Variants in HTR4 observed in about 807,000 individuals in gnomAD.
HTR4 encodes the protein 5-hydroxytryptamine (serotonin) receptor 4, G protein-coupled.
Under a neutral mutation model 36.8 loss-of-function variants are expected in HTR4, and 16 were observed. The observed-to-expected ratio is 0.43, with a 90% CI of 0.29 to 0.66. The LOEUF is 0.66. Among genes scored for constraint, HTR4 ranks in the 30% least tolerant of loss-of-function variants. The pLI, the probability that HTR4 is intolerant of heterozygous loss-of-function variation, is 0.13. For missense variants in HTR4, 438 were observed against 490.9 expected (o/e 0.89, Z 1.02); for synonymous variants, 189 against 185.1 (o/e 1.02, Z -0.17).
intron 6 of HTR4, among the ~76,000 whole-genome samples, chr5:148,508,784 G>A (rs970108266): frequency 2.0e-5 from 3 of 151,714 alleles, no homozygotes; most frequent in African/African-American, 7.3e-5. Flanking sequence ...CAGGCACTAC[G>A]TTATTACTAT....
In HTR4 at chr5:148,481,705, C is replaced by T. The variant is rs1755894923; in HGVS notation, c.*1498G>A. ...AAAAAAAGAGAATATGATAAATAAT[C>T]CTGAGATGCTATTAAACCACAGCCA... is the stretch of plus-strand genomic sequence containing the variant. On this transcript the variant is annotated 3_prime_UTR_variant, in exon 7 of 7. Transcript: ENST00000377888. The T allele has an allele frequency of 1.4e-6, 2 of 1,456,520 alleles. No individual in the cohort carries two copies. The highest frequency in any genetic ancestry group is 2.9e-5 in the African/African-American group (2 of 69,860). 90.2% of individuals were successfully genotyped at this position (1,456,520 alleles called of 1,614,324 possible).
At chr5:148,505,946 G>T (rs1304677125) in intron 6 of HTR4, among the ~76,000 whole-genome samples, 2 of 152,110 alleles carry the variant, frequency 1.3e-5, no homozygotes, top group Non-Finnish European at 2.9e-5. Context: ...TGGCCATACT[G>T]CCCAAGGTAA....
intron 1 of HTR4, 87 bp downstream of exon 1, chr5:148,653,975 C>T (rs2127323027): frequency 1.2e-6 from 1 of 855,534 alleles, no homozygotes; most frequent in East Asian, 1.2e-4. Flanking sequence ...GCCCCCGACC[C>T]CGTCGTGCTG....
Position 148,523,197 on chromosome 5 carries a change from T to C in HTR4, c.503A>G (p.Asp168Gly). 1 of 1,613,296 alleles carries C rather than the reference T, an allele frequency of 6.2e-7. No individual in the cohort carries two copies. Among genetic ancestry groups the C allele is most frequent in the Non-Finnish European group, 8.5e-7 (1 of 1,179,594 alleles). Residue 168 changes from aspartate to glycine, a missense_variant, in exon 5 of 7, where the codon GAT becomes GGT. Physicochemically the swap from Asp to Gly is moderately conservative, Grantham distance 94. Transcript: ENST00000377888. ...GAGGTCTGTGTGGATACTCACCAAA[T>C]CAATTATGCCAATGTTATTCCAGCC... ...MQGWNNIGIIDLIEKRKFNQN... is the reference protein window; with the variant it reads ...MQGWNNIGIIGLIEKRKFNQN...
At chr5:148,627,458 A>G (rs1318674528) in intron 2 of HTR4, among the ~76,000 whole-genome samples, 1 of 152,226 alleles carries the variant, frequency 6.6e-6, no homozygotes, top group Non-Finnish European at 1.5e-5. Context: ...CAGTGGTGGC[A>G]TTTGAGATAA....
intron 3 of HTR4, among the ~76,000 whole-genome samples, chr5:148,549,253 AGTCCTTG>A (rs2113847679): frequency 6.6e-6 from 1 of 152,312 alleles, no homozygotes; most frequent in African/African-American, 2.4e-5. Flanking sequence ...CCCACCCGTC[AGTCCTTG>A]GTCGGGCATT....
intron 2 of HTR4, among the ~76,000 whole-genome samples, chr5:148,604,697 T>C (rs1419301667): frequency 1.3e-5 from 2 of 152,140 alleles, no homozygotes; most frequent in African/African-American, 4.8e-5. Context: ...TTGCAAGCAA[T>C]GAAATGGATA....
At chr5:148,577,958 CT>C (rs1760992906) in intron 2 of HTR4, among the ~76,000 whole-genome samples, 1 of 151,670 alleles carries the variant, frequency 6.6e-6, no homozygotes, top group Admixed American at 6.6e-5. Flanking sequence ...ACATGTACCC[CT>C]GAACCTAAAA....
chr5:148,531,088 C>T (rs1184226320), intron 4 of HTR4, among the ~76,000 whole-genome samples: 2 of 152,272 alleles, frequency 1.3e-5, no homozygotes, highest in African/African-American at 2.4e-5. Flanking sequence ...AGGGACTTGC[C>T]TTGTCTCAGA....
chr5:148,537,676 C>T (rs1758892344), intron 4 of HTR4, among the ~76,000 whole-genome samples: 1 of 152,134 alleles, frequency 6.6e-6, no homozygotes, highest in Non-Finnish European at 1.5e-5. Flanking sequence ...CCTCCCAACA[C>T]TGAACCAGGA....
chr5:148,520,757 T>C (rs779823758), intron 5 of HTR4, among the ~76,000 whole-genome samples: 1 of 152,224 alleles, frequency 6.6e-6, no homozygotes, highest in Non-Finnish European at 1.5e-5. Flanking sequence ...GGAGTAATAA[T>C]AATGGTTGAA....
chr5:148,499,517 T>G (rs1252039943), intron 6 of HTR4, among the ~76,000 whole-genome samples: 2 of 152,222 alleles, frequency 1.3e-5, no homozygotes, highest in African/African-American at 4.8e-5. Context: ...CAATACCAGC[T>G]GATTGGTTTC....
intron 5 of HTR4, among the ~76,000 whole-genome samples, chr5:148,468,506 G>A (rs75532203): frequency 0.014 from 2,063 of 152,292 alleles, 31 homozygotes; most frequent in African/African-American, 0.045. Context: ...CCATAGGGGT[G>A]TCTTTCTAGG....
intron 4 of HTR4, among the ~76,000 whole-genome samples, chr5:148,543,348 T>C (rs1654276883): frequency 6.6e-6 from 1 of 152,130 alleles, no homozygotes; most frequent in South Asian, 2.1e-4. Flanking sequence ...GGGGCAAAGT[T>C]AGACTAAATG....
At chr5:148,609,817 C>T (rs557996562) in intron 2 of HTR4, among the ~76,000 whole-genome samples, 6 of 152,154 alleles carry the variant, frequency 3.9e-5, no homozygotes, top group African/African-American at 1.4e-4. Flanking sequence ...CCACCCACCT[C>T]AGCCTCCCAA....
intron 2 of HTR4, among the ~76,000 whole-genome samples, chr5:148,575,793 A>T (rs1760873850): frequency 6.6e-6 from 1 of 152,056 alleles, no homozygotes; most frequent in Non-Finnish European, 1.5e-5. Flanking sequence ...TGAGTTTCTG[A>T]AAAGCAAGCA....
intron 4 of HTR4, among the ~76,000 whole-genome samples, chr5:148,529,517 A>G (rs117129709): frequency 1.3e-5 from 2 of 152,214 alleles, no homozygotes; most frequent in Admixed American, 6.5e-5. Flanking sequence ...GCCTTCTGCC[A>G]TGATTGTGAG....
chr5:148,470,008 G>T (rs1309433682), intron 5 of HTR4, among the ~76,000 whole-genome samples: 1 of 152,174 alleles, frequency 6.6e-6, no homozygotes, highest in African/African-American at 2.4e-5. Context: ...CTAGTGAGAT[G>T]ATGTACGTGA....
chr5:148,645,230 A>G (rs1339568517), intron 1 of HTR4: 2 of 152,140 alleles, frequency 1.3e-5, no homozygotes, highest in Non-Finnish European at 2.9e-5. Flanking sequence ...GTAAATGGCT[A>G]TTTACCAAAT....
Sources: gnomAD v4.1 joint callset for allele counts (sites outside exome capture counted in the v4.1 genomes callset) on GRCh38, gnomAD v4.1.1 for gene constraint, MANE v1.5 for transcripts, NCBI Gene and HGNC (gene_info 2026-07-23, HGNC 2026-07-21) for gene names.